SEC23A: variants seen among roughly 807,000 people sequenced by gnomAD.
SEC23A encodes SEC23 homolog A, COPII component.
Under a neutral mutation model 103.7 loss-of-function variants are expected in SEC23A, and 56 were observed. That is an observed-to-expected ratio of 0.54 (90% confidence interval 0.44 to 0.67). The LOEUF (loss-of-function observed/expected upper bound fraction) is 0.67. Ranked by LOEUF, SEC23A falls within the 30% of genes least tolerant of loss-of-function variation. The pLI is 0.00. For synonymous variants in SEC23A, 281 were observed against 293.0 expected (o/e 0.96, Z 0.42); for missense variants, 784 against 936.4 (o/e 0.84, Z 2.12).
At chr14:39,090,234 T>C (rs1488510772) in intron 5 of SEC23A, among the ~76,000 whole-genome samples, 1 of 152,170 alleles carries the variant, frequency 6.6e-6, no homozygotes, top group Non-Finnish European at 1.5e-5. Context: ...TTATCTATCA[T>C]CTTCTAGGGT....
chr14:39,055,402 C>A (rs1886207417), intron 13 of SEC23A, 106 bp from the exon 14 acceptor site: 8 of 1,171,280 alleles, frequency 6.8e-6, no homozygotes, highest in Admixed American at 2.3e-5. Flanking sequence ...GATACAGAAA[C>A]TACTAGGATT....
chr14:39,086,797 T>C (rs1887459577), intron 6 of SEC23A, 132 bp downstream of exon 6: 2 of 644,582 alleles, frequency 3.1e-6, no homozygotes, highest in Non-Finnish European at 5.6e-6. Flanking sequence ...CTTTAAAAAG[T>C]ATGTTAATAC....
intron 12 of SEC23A, 27 bp from the exon 13 acceptor site, chr14:39,061,898 T>C: frequency 5.5e-6 from 8 of 1,449,976 alleles, no homozygotes; most frequent in Non-Finnish European, 7.8e-6. Context: ...GAGTAAAACC[T>C]AAGCAAAATT....
rs1204411087 is a variant in SEC23A at position 39,093,397 on chromosome 14, C to T, written c.222-153G>A. On this transcript the variant is annotated intron_variant, in intron 2 of 19. Transcript: ENST00000307712. ...TTTAAAAGCCATGTAGTTTTAGATA[C>T]TGCCAATATCTAATTCACACTTTTA... is the stretch of plus-strand genomic sequence containing the variant. Among the ~76,000 whole-genome samples, 2 of 152,194 alleles carry T rather than the reference C, an allele frequency of 1.3e-5. 1 individual carries two copies. The highest frequency in any genetic ancestry group is 4.8e-5 in the African/African-American group (2 of 41,440).
At chr14:39,036,708 G>C (rs1885474939) in intron 19 of SEC23A, among the ~76,000 whole-genome samples, 2 of 151,984 alleles carry the variant, frequency 1.3e-5, no homozygotes, top group Admixed American at 1.3e-4. Flanking sequence ...CTGTTCTTTT[G>C]TGTCTTTCCT....
rs917394581 is a variant in SEC23A, at chr14:39,091,652, T to C, written c.428A>G (p.Asp143Gly). The change falls in exon 5 of 20, where the codon GAT (aspartate) becomes GGT (glycine). Residue 143 changes from aspartate (D) to glycine (G), a missense_variant. Physicochemically the swap from Asp to Gly is moderately conservative, Grantham distance 94 (BLOSUM62 -1). Coordinates refer to ENST00000307712, the MANE Select transcript of SEC23A (RefSeq NM_006364.4). ...CATGGATTCTTTCAGGGCTTGTAAA[T>C]CTTCATCTTCCATGCAAGTATCAAC... The part of the protein sequence containing the change: ...YVVDTCMEDE[D>G]LQALKESMQM... 1 of 1,614,008 alleles carries C rather than the reference T, an allele frequency of 6.2e-7. No homozygotes were observed. Among genetic ancestry groups the C allele is most frequent in the South Asian group, 1.1e-5 (1 of 91,080 alleles).
chr14:39,040,638 T>A, intron 18 of SEC23A, 94 bp downstream of exon 18: 1 of 1,490,836 alleles, frequency 6.7e-7, no homozygotes, highest in Non-Finnish European at 9.3e-7. Flanking sequence ...CTGTCTGCTT[T>A]ATGAAGCAAT....
chr14:39,068,207 T>C (rs1001207763), intron 9 of SEC23A, among the ~76,000 whole-genome samples: 22 of 152,134 alleles, frequency 1.4e-4, no homozygotes, highest in Admixed American at 3.3e-4. Context: ...CTCTAATAGA[T>C]TGGCAAAAAT....
intron 7 of SEC23A, among the ~76,000 whole-genome samples, chr14:39,081,790 C>T (rs1257080345): frequency 2.0e-5 from 3 of 151,930 alleles, no homozygotes; most frequent in African/African-American, 7.3e-5. Context: ...GATATAGATG[C>T]ATATTGGAGT....
intron 18 of SEC23A, chr14:39,039,445 A>G (rs534719498): frequency 1.3e-5 from 3 of 235,682 alleles, no homozygotes; most frequent in South Asian, 7.0e-5. Flanking sequence ...GATAAAAACA[A>G]AAGCCATGAA....
rs548343079 is a variant in SEC23A at position 39,059,968 on chromosome 14, ACTTT to A, written c.1505+1793_1505+1796del. ...CCTTTAATCTGGATCAGTTGCTCAG[ACTTT>A]CTTTGTCTTCCAAGACATTTTTGAA... is the stretch of plus-strand genomic sequence containing the variant. On this transcript the variant is annotated intron_variant, in intron 13 of 19. Coordinates refer to ENST00000307712, the MANE Select transcript of SEC23A (RefSeq NM_006364.4). Among the ~76,000 whole-genome samples the A allele has an allele frequency of 6.6e-3, 1,003 of 152,258 alleles. 15 individuals carry two copies. Among genetic ancestry groups the A allele is most frequent in the South Asian group, 0.044 (211 of 4,828 alleles).
At chr14:39,065,250 C>T (rs1294098439) in intron 10 of SEC23A, among the ~76,000 whole-genome samples, 2 of 152,104 alleles carry the variant, frequency 1.3e-5, no homozygotes, top group East Asian at 3.9e-4. Context: ...ATCCTGACTT[C>T]ACACTTCTAC....
intron 2 of SEC23A, 55 bp from the exon 3 acceptor site, chr14:39,093,299 A>G (rs1887727270): frequency 2.9e-6 from 4 of 1,380,280 alleles, no homozygotes; most frequent in Middle Eastern, 3.6e-4. Flanking sequence ...TCAATTTTAC[A>G]AAAATCCTAA....
At chr14:39,086,795 A>C (rs1365651635) in intron 6 of SEC23A, 134 bp downstream of exon 6, 3 of 640,242 alleles carry the variant, frequency 4.7e-6, no homozygotes, top group Non-Finnish European at 8.5e-6. Flanking sequence ...TTCTTTAAAA[A>C]GTATGTTAAT....
At chr14:39,035,738 GCTATGTTTAAGGTC>G (rs1314780724) in intron 19 of SEC23A, among the ~76,000 whole-genome samples, 1 of 152,096 alleles carries the variant, frequency 6.6e-6, no homozygotes. Context: ...TTCAATATAT[GCTATGTTTAAGGTC>G]CTATGGAAAA....
chr14:39,048,834 G>A (rs1316812013), intron 14 of SEC23A, 105 bp from the exon 15 acceptor site: 2 of 672,920 alleles, frequency 3.0e-6, no homozygotes, highest in African/African-American at 1.8e-5. Flanking sequence ...TCAGGAAGCA[G>A]ATACTTGATA....
chr14:39,065,425 A>C (rs1353672045), intron 10 of SEC23A, among the ~76,000 whole-genome samples: 2 of 152,136 alleles, frequency 1.3e-5, no homozygotes, highest in East Asian at 3.8e-4. Flanking sequence ...AAAAATTGGA[A>C]AGCTTACTTT....
At chr14:39,101,275 C>G (rs1483433146) in intron 1 of SEC23A, among the ~76,000 whole-genome samples, 1 of 152,150 alleles carries the variant, frequency 6.6e-6, no homozygotes, top group Non-Finnish European at 1.5e-5. Flanking sequence ...AAGCAAACCA[C>G]TATGTCACTT....
At chr14:39,057,389 T>G (rs1886285144) in intron 13 of SEC23A, among the ~76,000 whole-genome samples, 1 of 152,084 alleles carries the variant, frequency 6.6e-6, no homozygotes, top group African/African-American at 2.4e-5. Context: ...TCTCACTCTA[T>G]CACCCAAGCT....
Sources: gnomAD v4.1 joint callset for allele counts (sites outside exome capture counted in the v4.1 genomes callset) on GRCh38, gnomAD v4.1.1 for gene constraint, MANE v1.5 for transcripts, NCBI Gene and HGNC (gene_info 2026-07-23, HGNC 2026-07-21) for gene names.